Variants in ANK2 observed in about 807,000 individuals in gnomAD.
ANK2 encodes ankyrin 2.
A neutral mutation model predicts 360.5 loss-of-function variants in ANK2; 83 were observed. That is an observed-to-expected ratio of 0.23 (90% CI 0.19 to 0.28). The LOEUF (loss-of-function observed/expected upper bound fraction) is 0.28, where lower values mean the gene tolerates loss of function less well. Ranked by LOEUF, ANK2 falls within the 10% of genes least tolerant of loss-of-function variation. ANK2 has a pLI of 1.00. For missense variants in ANK2, 4,201 were observed against 4,795.7 expected (o/e 0.88, Z 3.66); for synonymous variants, 1,740 against 1,759.5 (o/e 0.99, Z 0.28).
intron 2 of ANK2, among the ~76,000 whole-genome samples, chr4:112,984,086 G>T (rs1009168206): frequency 4.6e-5 from 7 of 152,316 alleles, no homozygotes; most frequent in African/African-American, 1.4e-4. Context: ...CTCAGCCAGT[G>T]TGGAATCATA....
intron 1 of ANK2, among the ~76,000 whole-genome samples, chr4:113,146,917 A>G (rs971000034): frequency 6.6e-6 from 1 of 152,198 alleles, no homozygotes; most frequent in African/African-American, 2.4e-5. Context: ...TGATATTTCC[A>G]GGAGTGAGAA....
At chr4:113,219,418 A>T (rs2099124148) in intron 4 of ANK2, among the ~76,000 whole-genome samples, 1 of 151,882 alleles carries the variant, frequency 6.6e-6, no homozygotes, top group Non-Finnish European at 1.5e-5. Flanking sequence ...TATTATTATA[A>T]AATTTTATGT....
At chr4:113,117,227 C>T (rs946803621) in intron 1 of ANK2, 1 of 449,952 alleles carries the variant, frequency 2.2e-6, no homozygotes, top group African/African-American at 2.0e-5. Context: ...TCTGAAATCA[C>T]CTGGATTGCT....
At chr4:113,052,463 A>G (rs2067489173) in intron 1 of ANK2, among the ~76,000 whole-genome samples, 1 of 152,100 alleles carries the variant, frequency 6.6e-6, no homozygotes, top group Non-Finnish European at 1.5e-5. Flanking sequence ...TACGTAACAG[A>G]TGGGCTGTAA....
chr4:113,205,856 G>T (rs1320005820), intron 4 of ANK2, among the ~76,000 whole-genome samples: 1 of 152,166 alleles, frequency 6.6e-6, no homozygotes, highest in African/African-American at 2.4e-5. Flanking sequence ...CTTCCATATG[G>T]TCTTAGAGCC....
chr4:112,959,061 G>A (rs2154259322), intron 2 of ANK2, among the ~76,000 whole-genome samples: 1 of 152,072 alleles, frequency 6.6e-6, no homozygotes, highest in East Asian at 1.9e-4. Flanking sequence ...TGTTGGCCAG[G>A]CTGGTCTTGA....
At chr4:113,365,948 C>T (rs1186950803) in intron 41 of ANK2, among the ~76,000 whole-genome samples, 1 of 152,184 alleles carries the variant, frequency 6.6e-6, no homozygotes, top group Admixed American at 6.5e-5. Flanking sequence ...TTGTTTTGTA[C>T]TAGATTTCAT....
intron 1 of ANK2, among the ~76,000 whole-genome samples, chr4:112,837,632 C>T (rs1183366094): frequency 6.6e-6 from 1 of 152,222 alleles, no homozygotes; most frequent in African/African-American, 2.4e-5. Context: ...AGTGGAGCTG[C>T]CCATGGCCTT....
At chr4:113,362,400 A>G (rs1468184823) in intron 39 of ANK2, among the ~76,000 whole-genome samples, 1 of 152,138 alleles carries the variant, frequency 6.6e-6, no homozygotes, top group Non-Finnish European at 1.5e-5. Flanking sequence ...CCCATAATGT[A>G]TAAGCATCCA....
intron 43 of ANK2, among the ~76,000 whole-genome samples, chr4:113,370,632 T>A (rs1031458743): frequency 6.6e-6 from 1 of 151,898 alleles, no homozygotes; most frequent in African/African-American, 2.4e-5. Context: ...TGGTGGCGAG[T>A]GCCTGTAGTC....
intron 1 of ANK2, chr4:113,070,130 A>G (rs1051188693): frequency 6.6e-6 from 1 of 152,164 alleles, no homozygotes; most frequent in African/African-American, 2.4e-5. Context: ...GAACTGGTGA[A>G]TAAACTCTCC....
At chr4:112,788,918 A>G in the ANK2 span, 64 of 638,252 alleles carry the variant, frequency 1.0e-4, 1 homozygote, top group Non-Finnish European at 1.6e-4. Flanking sequence ...AATTATTAAT[A>G]TTATATACTT....
chr4:113,020,931 G>A (rs2057917535), intron 2 of ANK2, among the ~76,000 whole-genome samples: 1 of 151,510 alleles, frequency 6.6e-6, no homozygotes, highest in Admixed American at 6.6e-5. Context: ...TAAAATCAGG[G>A]TATTGCTTTG....
At chr4:113,320,478 C>T (rs1341554929) in intron 26 of ANK2, among the ~76,000 whole-genome samples, 2 of 152,070 alleles carry the variant, frequency 1.3e-5, no homozygotes, top group African/African-American at 4.8e-5. Flanking sequence ...ATGGTGAAAC[C>T]TCATCTCTAC....
At chr4:112,762,304 A>G in the ANK2 span, among the ~76,000 whole-genome samples, 2 of 152,248 alleles carry the variant, frequency 1.3e-5, no homozygotes, top group African/African-American at 4.8e-5. Context: ...AGGAAAAATT[A>G]GTAAGTTCAA....
chr4:113,248,821 C>T (rs897729498), intron 9 of ANK2, among the ~76,000 whole-genome samples: 1 of 152,218 alleles, frequency 6.6e-6, no homozygotes, highest in Non-Finnish European at 1.5e-5. Flanking sequence ...TTCTCCACCT[C>T]TGTCCTTGGG....
chr4:112,709,722 C>A, the ANK2 span, among the ~76,000 whole-genome samples: 1 of 152,180 alleles, frequency 6.6e-6, no homozygotes, highest in East Asian at 1.9e-4. Flanking sequence ...GCAGTCCAGC[C>A]TGGGTGACAG....
chr4:113,335,737 G>T, intron 29 of ANK2, 109 bp from the exon 30 acceptor site: 1 of 1,166,438 alleles, frequency 8.6e-7, no homozygotes, highest in Non-Finnish European at 1.3e-6. Flanking sequence ...AAAAAAATGT[G>T]TTTTGCTGGC....
At chr4:113,322,349 A>G (rs1036877414) in intron 26 of ANK2, among the ~76,000 whole-genome samples, 2 of 152,188 alleles carry the variant, frequency 1.3e-5, no homozygotes, top group Admixed American at 6.5e-5. Flanking sequence ...AAAGACTAAC[A>G]TTTGCTGTTT....
Sources: allele counts gnomAD v4.1 joint callset (sites outside exome capture counted in the v4.1 genomes callset), GRCh38; gene constraint gnomAD v4.1.1; transcripts MANE v1.5; gene names NCBI Gene and HGNC (gene_info 2026-07-23, HGNC 2026-07-21).